PRKCE: variants seen among roughly 807,000 people sequenced by gnomAD.
PRKCE encodes the protein protein kinase C epsilon type.
In PRKCE, 16 loss-of-function variants were observed where a neutral mutation model predicts 85.4. The observed-to-expected ratio is 0.19, with a 90% CI of 0.13 to 0.28. The LOEUF is 0.28. Among genes scored for constraint, PRKCE ranks in the 10% least tolerant of loss-of-function variants. PRKCE has a pLI of 1.00. For missense variants in PRKCE, 573 were observed against 975.2 expected (o/e 0.59, Z 5.49); for synonymous variants, 388 against 371.5 (o/e 1.04, Z -0.51).
At chr2:46,049,287 C>T (rs1216264195) in intron 10 of PRKCE, among the ~76,000 whole-genome samples, 1 of 152,176 alleles carries the variant, frequency 6.6e-6, no homozygotes, top group Non-Finnish European at 1.5e-5. Context: ...AGTGGGCTTA[C>T]AGCCTGATAG....
Position 46,041,945 on chromosome 2 carries a change from T to G in PRKCE, c.1437+31428T>G, listed in dbSNP as rs1489831718. ...GTTAGCTTTTAGTTATCAAAATGGGTGATGTCTATATCAAAGATTGTAATA... is the reference window on the plus strand; with the variant it reads ...GTTAGCTTTTAGTTATCAAAATGGGGGATGTCTATATCAAAGATTGTAATA... On this transcript the variant is annotated intron_variant, in intron 10 of 14. Coordinates refer to ENST00000306156, the MANE Select transcript of PRKCE (RefSeq NM_005400.3). The surrounding 1 kb of genome is among the most constrained non-coding windows in gnomAD (Gnocchi z 5.5). Among the ~76,000 whole-genome samples, 1 of 152,138 alleles carries G rather than the reference T, an allele frequency of 6.6e-6. No individual in the cohort carries two copies. The highest frequency in any genetic ancestry group is 1.5e-5 in the Non-Finnish European group (1 of 68,022).
At chr2:45,781,294 A>T (rs1398867632) in intron 1 of PRKCE, among the ~76,000 whole-genome samples, 1 of 152,156 alleles carries the variant, frequency 6.6e-6, no homozygotes, top group African/African-American at 2.4e-5. Flanking sequence ...CCGTGATCGC[A>T]CCATTGCATT....
intron 1 of PRKCE, among the ~76,000 whole-genome samples, chr2:45,824,916 C>T (rs914031552): frequency 5.3e-5 from 8 of 152,136 alleles, no homozygotes; most frequent in Non-Finnish European, 1.2e-4. Context: ...TGGAGGTTTT[C>T]TGGGCCAAGA....
chr2:45,944,197 G>T (rs1700077289), intron 2 of PRKCE, among the ~76,000 whole-genome samples: 1 of 152,136 alleles, frequency 6.6e-6, no homozygotes, highest in East Asian at 1.9e-4. Context: ...CCTCCATTCT[G>T]CTTTGACTGC....
At chr2:45,868,064 T>C (rs1219062854) in intron 2 of PRKCE, among the ~76,000 whole-genome samples, 4 of 152,146 alleles carry the variant, frequency 2.6e-5, no homozygotes. Flanking sequence ...GAACTGCTTT[T>C]TGCTTTTTGG....
chr2:46,024,541 G>A (rs1407339629), intron 10 of PRKCE, among the ~76,000 whole-genome samples: 1 of 152,078 alleles, frequency 6.6e-6, no homozygotes, highest in Non-Finnish European at 1.5e-5. Flanking sequence ...ATTTTATCGG[G>A]AACACTTGTG....
chr2:46,080,560 A>G (rs1001574367), intron 10 of PRKCE, among the ~76,000 whole-genome samples: 1 of 152,196 alleles, frequency 6.6e-6, no homozygotes, highest in South Asian at 2.1e-4. Context: ...CGCAGACATA[A>G]TAGGAACCCA....
intron 13 of PRKCE, among the ~76,000 whole-genome samples, chr2:46,152,627 C>A (rs1676759657): frequency 6.6e-6 from 1 of 152,044 alleles, no homozygotes. Flanking sequence ...CGGCTCACTG[C>A]AACCTCTGCC....
intron 10 of PRKCE, among the ~76,000 whole-genome samples, chr2:46,022,939 C>T (rs935262124): frequency 7.9e-5 from 12 of 151,684 alleles, no homozygotes; most frequent in South Asian, 6.3e-4. Flanking sequence ...AAAAATTAGC[C>T]GGGCGCGGTG....
intron 11 of PRKCE, among the ~76,000 whole-genome samples, chr2:46,134,609 A>T (rs1274656416): frequency 2.0e-5 from 3 of 152,228 alleles, no homozygotes; most frequent in African/African-American, 7.2e-5. Context: ...AAGTTCTTTC[A>T]CGGGCTCCAG....
chr2:46,103,277 T>A (rs937097948), intron 11 of PRKCE, among the ~76,000 whole-genome samples: 1 of 152,246 alleles, frequency 6.6e-6, no homozygotes, highest in Non-Finnish European at 1.5e-5. Flanking sequence ...TTCAGCACTT[T>A]CTTACTTTCT....
chr2:45,979,205 T>A (rs1007202064), intron 4 of PRKCE, among the ~76,000 whole-genome samples, 195 bp downstream of exon 4: 1 of 152,190 alleles, frequency 6.6e-6, no homozygotes, highest in African/African-American at 2.4e-5. Flanking sequence ...GTGCCACCTG[T>A]CTCCAGGCGT....
At chr2:45,806,759 A>T (rs1044557016) in intron 1 of PRKCE, among the ~76,000 whole-genome samples, 4 of 152,142 alleles carry the variant, frequency 2.6e-5, no homozygotes, top group Non-Finnish European at 4.4e-5. Flanking sequence ...ATGAGTACAG[A>T]TGAGGGAGGA....
rs150705249 is a variant in PRKCE, at chr2:45,955,997, G to A, written c.413-20432G>A. 3.3e-5 allele frequency among the ~76,000 whole-genome samples: 5 copies of A among 152,194 alleles called. No individual in the cohort carries two copies. The East Asian group carries it at 5.8e-4, about 18-fold the overall frequency. ...TGCTCACCCTCAGCCCCGGGTAACC[G>A]CTGCGGTCTTTTCAGTGCCTATAAC... On this transcript the variant is annotated intron_variant, in intron 2 of 14. Coordinates refer to ENST00000306156, the MANE Select transcript of PRKCE (RefSeq NM_005400.3).
intron 10 of PRKCE, among the ~76,000 whole-genome samples, chr2:46,045,885 AAAAG>A (rs1266098848): frequency 6.6e-6 from 1 of 152,160 alleles, no homozygotes; most frequent in Non-Finnish European, 1.5e-5. Flanking sequence ...AAATAAAAAA[AAAAG>A]AAGAAGAAAG....
chr2:45,710,344 T>G (rs921390450), intron 1 of PRKCE, among the ~76,000 whole-genome samples: 10 of 152,164 alleles, frequency 6.6e-5, no homozygotes, highest in African/African-American at 2.4e-4. Flanking sequence ...GGCTTCAAAG[T>G]CCATACCCTT....
In PRKCE at chr2:46,004,402, G is replaced by A; in HGVS notation, c.967-140G>A. ...CATTTTGGCTACTTTGGCGATGGCT[G>A]CAAGAGGACAGAGATCTACTGAATT... On this transcript the variant is annotated intron_variant, in intron 7 of 14. Transcript: ENST00000306156. This position sits in a 1 kb window ranked among gnomAD's most constrained non-coding sequence, Gnocchi z 4.1. 2 of 724,480 alleles carry A rather than the reference G, an allele frequency of 2.8e-6. No individual in the cohort carries two copies. Among genetic ancestry groups the A allele is most frequent in the Non-Finnish European group, 4.6e-6 (2 of 434,862 alleles). 44.9% of individuals were successfully genotyped at this position (724,480 alleles called of 1,614,324 possible). A position where few individuals can be genotyped will look rare whatever the true frequency, so the allele number is the denominator to read the frequency against.
In PRKCE at chr2:46,138,437, A is replaced by T. The variant is rs1482588137; in HGVS notation, c.1593-6656A>T. Reference sequence around the variant, plus strand: ...CTTTTCTGAGCCTCAGTTTCCTCATACATTTAAACATGTGGGTTGAGGATG... The same window carrying T: ...CTTTTCTGAGCCTCAGTTTCCTCATTCATTTAAACATGTGGGTTGAGGATG... On this transcript the variant is annotated intron_variant, in intron 11 of 14. Transcript: ENST00000306156. This position sits in a 1 kb window ranked among gnomAD's most constrained non-coding sequence, Gnocchi z 4.2. 6.6e-6 allele frequency among the ~76,000 whole-genome samples: 1 copy of T among 152,176 alleles called. No homozygotes were observed. Among genetic ancestry groups the T allele is most frequent in the Non-Finnish European group, 1.5e-5 (1 of 68,032 alleles).
chr2:46,113,231 C>A (rs1672439645), intron 11 of PRKCE, among the ~76,000 whole-genome samples: 1 of 152,198 alleles, frequency 6.6e-6, no homozygotes, highest in Non-Finnish European at 1.5e-5. Context: ...TGGTCAGTTA[C>A]TGCAAGTGTG....
Sources: allele counts gnomAD v4.1 joint callset (sites outside exome capture counted in the v4.1 genomes callset), GRCh38; gene constraint gnomAD v4.1.1; non-coding constraint Gnocchi (gnomAD v3.1); transcripts MANE v1.5; gene names NCBI Gene and HGNC (gene_info 2026-07-23, HGNC 2026-07-21).